The following MYBPC1 variants were observed in gnomAD, a reference collection of about 807,000 sequenced individuals.
MYBPC1 encodes the protein myosin binding protein C1.
A neutral mutation model predicts 147.1 loss-of-function variants in MYBPC1; 52 were observed. The ratio of observed to expected loss-of-function variants is 0.35; its 90% confidence interval spans 0.28 to 0.45. The LOEUF is 0.45. MYBPC1 is among the 20% of genes least tolerant of loss of function. The pLI, the probability that MYBPC1 is intolerant of heterozygous loss-of-function variation, is 1.00. For missense variants in MYBPC1, 1,228 were observed against 1,440.3 expected, an observed-to-expected ratio of 0.85 and a Z score of 2.39; for synonymous variants, 477 against 475.9, an observed-to-expected ratio of 1.00 and a Z score of -0.03.
At chr12:101,650,578 G>A (rs1164532402) in intron 15 of MYBPC1, among the ~76,000 whole-genome samples, 2 of 152,124 alleles carry the variant, frequency 1.3e-5, no homozygotes, top group Admixed American at 6.5e-5. Context: ...GGGGGTAACC[G>A]CCCCCATGAT....
intron 1 of MYBPC1, among the ~76,000 whole-genome samples, chr12:101,605,250 G>A (rs924133340): frequency 1.3e-5 from 2 of 152,148 alleles, no homozygotes; most frequent in African/African-American, 4.8e-5. Flanking sequence ...AGGAAAATGA[G>A]TTATTGCTTC....
intron 3 of MYBPC1, among the ~76,000 whole-genome samples, chr12:101,626,146 G>C (rs1888564248): frequency 6.7e-6 from 1 of 148,574 alleles, no homozygotes; most frequent in Non-Finnish European, 1.5e-5. Context: ...AGGTCAATTA[G>C]GTAGGCTGAC....
intron 3 of MYBPC1, among the ~76,000 whole-genome samples, chr12:101,619,447 C>T (rs1356167936): frequency 1.3e-5 from 2 of 152,214 alleles, no homozygotes; most frequent in Admixed American, 6.5e-5. Flanking sequence ...TCATCTTATT[C>T]CCTCCAGCAT....
intron 12 of MYBPC1, among the ~76,000 whole-genome samples, chr12:101,646,423 C>T (rs1251092285): frequency 6.6e-6 from 1 of 151,878 alleles, no homozygotes; most frequent in African/African-American, 2.4e-5. Context: ...GAGGCAGGAA[C>T]GCTTGAACCG....
chr12:101,649,233 C>G, intron 14 of MYBPC1, 27 bp from the exon 15 acceptor site: 1 of 1,602,390 alleles, frequency 6.2e-7, no homozygotes, highest in Non-Finnish European at 8.5e-7. Context: ...CTTTTACAAA[C>G]CTTTTTAATA....
intron 22 of MYBPC1, among the ~76,000 whole-genome samples, chr12:101,667,159 G>A (rs534083695): frequency 2.6e-5 from 4 of 152,158 alleles, no homozygotes; most frequent in Admixed American, 1.3e-4. Flanking sequence ...AACTCCTTAT[G>A]AGGAATCAGC....
chr12:101,681,569 TATATATATATATATATATATATA>T (rs1316884426), intron 29 of MYBPC1, among the ~76,000 whole-genome samples: 648 of 21,254 alleles, frequency 0.03, 14 homozygotes, highest in South Asian at 0.12. Context: ...TATATATATA[TATATATATATATATATATATATA>T]TTTTTTTTTT....
At chr12:101,609,639 A>G (rs1223990538) in intron 1 of MYBPC1, among the ~76,000 whole-genome samples, 1 of 152,178 alleles carries the variant, frequency 6.6e-6, no homozygotes, top group Admixed American at 6.5e-5. Flanking sequence ...CTAAGTGATT[A>G]ATACGCATAC....
At chr12:101,648,970 A>C (rs1893822535) in intron 14 of MYBPC1, among the ~76,000 whole-genome samples, 1 of 152,210 alleles carries the variant, frequency 6.6e-6, no homozygotes, top group African/African-American at 2.4e-5. Flanking sequence ...AATGTGCTTC[A>C]AGAGCCTACA....
intron 16 of MYBPC1, 71 bp downstream of exon 16, chr12:101,651,464 A>G (rs1054898067): frequency 1.2e-5 from 19 of 1,580,236 alleles, no homozygotes; most frequent in Admixed American, 3.3e-5. Context: ...TAAATTACAT[A>G]TTTGGTGAGG....
intron 3 of MYBPC1, among the ~76,000 whole-genome samples, chr12:101,618,554 C>T (rs181921612): frequency 6.6e-6 from 1 of 152,194 alleles, no homozygotes; most frequent in Non-Finnish European, 1.5e-5. Context: ...CTGCAAGGCT[C>T]AACCAACAGA....
chr12:101,631,650 A>C lies in MYBPC1; in HGVS notation c.369A>C (p.Lys123Asn). Residue 123 changes from lysine to asparagine, a missense_variant, in exon 7 of 32, where the codon AAA (lysine) becomes AAC (asparagine). Physicochemically the swap from Lys to Asn is moderately conservative, Grantham distance 94. Around this residue, in one of 2 missense-constraint regions of MYBPC1, gnomAD observed 1,077 missense variants for 1,314.2 expected, o/e 0.82. Transcript: ENST00000361466. ...RKPTIKWFKG[K>N]WMDLASKAGK... is the part of the protein sequence containing the mutation. ...CCACTATCAAATGGTTCAAAGGAAA[A>C]TGGATGGACCTGGCCAGCAAAGCCG... 6.2e-7 allele frequency: 1 copy of C among 1,614,220 alleles called. No individual in the cohort carries two copies. The highest frequency in any genetic ancestry group is 8.5e-7 in the Non-Finnish European group (1 of 1,180,044).
Position 101,675,162 on chromosome 12 carries a change from C to G in MYBPC1, c.2810-130C>G, listed in dbSNP as rs1031676100. 6.3e-6 allele frequency: 8 copies of G among 1,278,518 alleles called. No individual in the cohort carries two copies. The Admixed American group carries it at 1.4e-4, about 22-fold the overall frequency. 79.2% of individuals were successfully genotyped at this position (1,278,518 alleles called of 1,614,324 possible). ...GGAAGGCAAAGGGTCTCAGAAGCCC[C>G]CATGGTAGGGTCTAGAAGAGTGATG... On this transcript the variant is annotated intron_variant, in intron 25 of 31. Coordinates refer to ENST00000361466, the MANE Select transcript of MYBPC1 (RefSeq NM_002465.4).
chr12:101,663,374 C>A (rs1350772881), intron 21 of MYBPC1, 52 bp from the exon 22 acceptor site: 2 of 1,507,730 alleles, frequency 1.3e-6, no homozygotes, highest in Admixed American at 3.3e-5. Context: ...AGTTCCTGCA[C>A]TATAGCTGTG....
At chr12:101,680,213 A>G (rs1435792852) in intron 28 of MYBPC1, 130 bp from the exon 29 acceptor site, 1 of 884,750 alleles carries the variant, frequency 1.1e-6, no homozygotes, top group African/African-American at 1.7e-5. Context: ...GTGTCAAGTA[A>G]AAGTCTATCC....
rs1263783 is a variant in MYBPC1, at chr12:101,677,941, G to A, written c.3110-161G>A. On this transcript the variant is annotated intron_variant, in intron 27 of 31. Transcript: ENST00000361466. ...CTATCCCACGTGTGATTGGCTATAC[G>A]TTTATACCCCTCAGAATGTTTGCCA... is the stretch of plus-strand genomic sequence containing the variant. Among the ~76,000 whole-genome samples the A allele has an allele frequency of 0.62, 94,315 of 152,154 alleles. 30,322 individuals are homozygous for A. Among genetic ancestry groups the A allele is most frequent in the African/African-American group, 0.79 (32,800 of 41,522 alleles).
At chr12:101,692,126 G>A in the MYBPC1 span, among the ~76,000 whole-genome samples, 1 of 152,220 alleles carries the variant, frequency 6.6e-6, no homozygotes. Context: ...CACAGCTGGA[G>A]CATGAGACTT....
At chr12:101,637,416 T>C (rs1350133685) in intron 10 of MYBPC1, among the ~76,000 whole-genome samples, 2 of 152,144 alleles carry the variant, frequency 1.3e-5, no homozygotes, top group African/African-American at 2.4e-5. Context: ...TCTCTCCATA[T>C]ATATTTCTAT....
intron 10 of MYBPC1, among the ~76,000 whole-genome samples, chr12:101,639,712 A>G (rs1367661423): frequency 1.3e-5 from 2 of 152,174 alleles, no homozygotes; most frequent in Admixed American, 6.5e-5. Flanking sequence ...TTTCCTTCAT[A>G]TAAATATTCA....
Sources: gnomAD v4.1 joint callset for allele counts (sites outside exome capture counted in the v4.1 genomes callset) on GRCh38, gnomAD v4.1.1 for gene constraint, gnomAD v4.1.1 regional missense constraint, MANE v1.5 for transcripts, NCBI Gene and HGNC (gene_info 2026-07-23, HGNC 2026-07-21) for gene names.